The following CYTIP variants were observed in gnomAD, a reference collection of about 807,000 sequenced individuals.
CYTIP encodes the protein cytohesin 1 interacting protein, also known as cytohesin-interacting protein.
Under a neutral mutation model 43.8 loss-of-function variants are expected in CYTIP, and 26 were observed. The observed-to-expected ratio is 0.59, with a 90% confidence interval of 0.44 to 0.82. The LOEUF (loss-of-function observed/expected upper bound fraction) is 0.82. Ranked by LOEUF, CYTIP falls within the 40% of genes least tolerant of loss-of-function variation. The pLI is 0.00. For missense variants in CYTIP, 426 were observed against 443.1 expected (o/e 0.96, Z 0.35); for synonymous variants, 162 against 162.9 (o/e 0.99, Z 0.04).
chr2:157,427,270 C>G, intron 6 of CYTIP, 81 bp downstream of exon 6: 1 of 1,161,050 alleles, frequency 8.6e-7, no homozygotes, highest in Non-Finnish European at 1.2e-6. Flanking sequence ...AGGGCTATCT[C>G]AGTTCCTCAA....
At chr2:157,418,722 A>C in intron 6 of CYTIP, 133 bp from the exon 7 acceptor site, 31 of 689,842 alleles carry the variant, frequency 4.5e-5, no homozygotes, top group Non-Finnish European at 6.1e-5. Context: ...ATTCCATCTC[A>C]TCCATTTAAA....
Position 157,415,519 on chromosome 2 carries a change from A to G in CYTIP, c.*158T>C, listed in dbSNP as rs1685425583. On this transcript the variant is annotated 3_prime_UTR_variant, in exon 8 of 8. Coordinates refer to ENST00000264192, the MANE Select transcript of CYTIP (RefSeq NM_004288.5). ...GTTTAGGTTGAAAAATGATTTAAGA[A>G]GCATAAACTATAACACAACAATTTA... 1 of 578,942 alleles carries G rather than the reference A, an allele frequency of 1.7e-6. No individual in the cohort carries two copies. The allele number at this position is 578,942 out of a possible 1,614,324, so 35.9% of individuals were successfully genotyped here.
chr2:157,428,327 G>T (rs936265948), intron 5 of CYTIP, among the ~76,000 whole-genome samples: 3 of 152,140 alleles, frequency 2.0e-5, no homozygotes, highest in Non-Finnish European at 2.9e-5. Context: ...TTCAAGGCAT[G>T]GTAAAAGCAT....
chr2:157,441,603 T>TACAC (rs35513959), intron 1 of CYTIP, among the ~76,000 whole-genome samples: 4 of 148,520 alleles, frequency 2.7e-5, no homozygotes, highest in African/African-American at 5.0e-5. Context: ...TATATGCACA[T>TACAC]ACACACACAC....
chr2:157,426,767 G>T (rs1364966437), intron 6 of CYTIP, among the ~76,000 whole-genome samples: 1 of 152,060 alleles, frequency 6.6e-6, no homozygotes, highest in Non-Finnish European at 1.5e-5. Flanking sequence ...AGAAAACTGA[G>T]ATTTTTAAAA....
intron 5 of CYTIP, among the ~76,000 whole-genome samples, chr2:157,428,776 C>T (rs561096381): frequency 6.6e-6 from 1 of 152,202 alleles, no homozygotes; most frequent in Non-Finnish European, 1.5e-5. Context: ...CCTGAACTCA[C>T]AGGACCTATA....
intron 1 of CYTIP, 86 bp from the exon 2 acceptor site, chr2:157,434,833 TCTCTCTCTCTCTCTCTCACACACA>T (rs1685782911): frequency 4.3e-6 from 2 of 467,926 alleles, no homozygotes; most frequent in African/African-American, 5.0e-5. Flanking sequence ...TCTCTCTCTC[TCTCTCTCTCTCTCTCTCACACACA>T]CACACACACA....
chr2:157,428,937 G>A (rs552416316), intron 5 of CYTIP, among the ~76,000 whole-genome samples: 1 of 152,224 alleles, frequency 6.6e-6, no homozygotes, highest in Non-Finnish European at 1.5e-5. Context: ...AGCTGAAAAG[G>A]ACAGATCCTG....
At position 157,443,969 on chromosome 2, in the gene CYTIP, A is replaced by G; in HGVS notation, c.52T>C (p.Phe18Leu). 1 of 1,614,122 alleles carries G rather than the reference A, an allele frequency of 6.2e-7. No individual in the cohort carries two copies. The highest frequency in any genetic ancestry group is 8.5e-7 in the Non-Finnish European group (1 of 1,179,962). Reference sequence around the variant, plus strand: ...GAGCTATACGCTGGCCCAGCGCAGAAGTCCGCCAAATTGCCATTGCTGCTG... The same window carrying G: ...GAGCTATACGCTGGCCCAGCGCAGAGGTCCGCCAAATTGCCATTGCTGCTG... Reference protein sequence around the residue: ...QHSSNGNLADFCAGPAYSSYS... With the variant: ...QHSSNGNLADLCAGPAYSSYS... The change falls in exon 1 of 8, where the codon TTC becomes CTC. Residue 18 changes from phenylalanine (F) to leucine (L), a missense_variant. Coordinates refer to ENST00000264192, the MANE Select transcript of CYTIP (RefSeq NM_004288.5).
chr2:157,423,537 C>T (rs1685556670), intron 6 of CYTIP, among the ~76,000 whole-genome samples: 1 of 151,318 alleles, frequency 6.6e-6, no homozygotes, highest in East Asian at 1.9e-4. Context: ...AACAGTATTC[C>T]CATCAAAAAA....
At chr2:157,424,498 A>G (rs1685572397) in intron 6 of CYTIP, among the ~76,000 whole-genome samples, 2 of 152,036 alleles carry the variant, frequency 1.3e-5, no homozygotes, top group Non-Finnish European at 2.9e-5. Flanking sequence ...ATACCATATG[A>G]TGTTGTTTCC....
At chr2:157,427,069 C>T (rs540100126) in intron 6 of CYTIP, among the ~76,000 whole-genome samples, 2 of 152,202 alleles carry the variant, frequency 1.3e-5, no homozygotes, top group Admixed American at 6.5e-5. Flanking sequence ...CAATAGAGAT[C>T]ACAGGTGCAC....
At chr2:157,432,347 G>C (rs963972227) in intron 3 of CYTIP, among the ~76,000 whole-genome samples, 1 of 152,114 alleles carries the variant, frequency 6.6e-6, no homozygotes, top group African/African-American at 2.4e-5. Flanking sequence ...GTATTAATTG[G>C]ATGCTTTTTT....
At chr2:157,419,144 A>T (rs937653264) in intron 6 of CYTIP, among the ~76,000 whole-genome samples, 1 of 152,138 alleles carries the variant, frequency 6.6e-6, no homozygotes, top group Non-Finnish European at 1.5e-5. Context: ...GATTACAGGC[A>T]CGCCCCACCA....
rs547049050 is a variant in CYTIP at position 157,433,382 on chromosome 2, A to G, written c.279+988T>C. Reference sequence around the variant, plus strand: ...TGCCTTCTCTGTCTTCATTGCAGCTAAAGTTCCATTTTGTTTCTTTACTCA... The same window carrying G: ...TGCCTTCTCTGTCTTCATTGCAGCTGAAGTTCCATTTTGTTTCTTTACTCA... On this transcript the variant is annotated intron_variant, in intron 3 of 7. Transcript: ENST00000264192. Among the ~76,000 whole-genome samples, 3 of 152,324 alleles carry G rather than the reference A, an allele frequency of 2.0e-5. No homozygotes were observed. The South Asian group carries it at 6.2e-4, about 32-fold the overall frequency.
rs1371712130 is a variant in CYTIP, at chr2:157,434,845, T to TCACA, written c.175-99_175-98insTGTG. On this transcript the variant is annotated intron_variant, in intron 1 of 7. Coordinates refer to ENST00000264192, the MANE Select transcript of CYTIP (RefSeq NM_004288.5). ...CTCTCTCTCTCTCTCTCTCTCTCTC[T>TCACA]CTCTCACACACACACACACACACAC... is the stretch of plus-strand genomic sequence containing the variant. The TCACA allele has an allele frequency of 5.3e-3, 1,395 of 263,434 alleles. 25 individuals are homozygous for TCACA. The highest frequency in any genetic ancestry group is 0.01 in the African/African-American group (238 of 22,868). The allele number at this position is 263,434 out of a possible 1,614,324, so 16.3% of individuals were successfully genotyped here.
At chr2:157,426,952 G>A (rs1411823864) in intron 6 of CYTIP, among the ~76,000 whole-genome samples, 2 of 152,198 alleles carry the variant, frequency 1.3e-5, no homozygotes, top group African/African-American at 2.4e-5. Flanking sequence ...TGAGGCAGAA[G>A]AGAAGGACAC....
chr2:157,429,401 T>A (rs911200473), intron 5 of CYTIP, among the ~76,000 whole-genome samples: 4 of 152,216 alleles, frequency 2.6e-5, no homozygotes, highest in Non-Finnish European at 5.9e-5. Flanking sequence ...TAAGCCAAAC[T>A]AGCAGCCTTC....
At position 157,417,166 on chromosome 2, in the gene CYTIP, T is replaced by A. The variant is rs963975715; in HGVS notation, c.614-1023A>T. On this transcript the variant is annotated intron_variant, in intron 7 of 7. Coordinates refer to ENST00000264192, the MANE Select transcript of CYTIP (RefSeq NM_004288.5). ...TTGACAATATAAAAAGAAACTGTTC[T>A]TTCAGATGATTTGCAAGGTTGAGTA... Among the ~76,000 whole-genome samples the A allele has an allele frequency of 2.0e-5, 3 of 152,354 alleles. No individual in the cohort carries two copies. The East Asian group carries it at 5.8e-4, about 29-fold the overall frequency.
Sources: gnomAD v4.1 joint callset for allele counts (sites outside exome capture counted in the v4.1 genomes callset) on GRCh38, gnomAD v4.1.1 for gene constraint, MANE v1.5 for transcripts, NCBI Gene and HGNC (gene_info 2026-07-23, HGNC 2026-07-21) for gene names.